KCNQ5: variants seen among roughly 807,000 people sequenced by gnomAD.
The protein encoded by KCNQ5 is potassium voltage-gated channel subfamily KQT member 5.
A neutral mutation model predicts 98.2 loss-of-function variants in KCNQ5; 30 were observed. The observed-to-expected ratio is 0.31, with a 90% confidence interval of 0.23 to 0.41. The LOEUF (loss-of-function observed/expected upper bound fraction) is 0.41, where lower values mean the gene tolerates loss of function less well. Among genes scored for constraint, KCNQ5 ranks in the 10% least tolerant of loss-of-function variants. The pLI is 1.00. For missense variants in KCNQ5, 835 were observed against 1,182.5 expected (o/e 0.71, Z 4.31); for synonymous variants, 458 against 449.4 (o/e 1.02, Z -0.24).
intron 9 of KCNQ5, among the ~76,000 whole-genome samples, chr6:73,124,936 G>GATAT (rs1180218889): frequency 3.9e-3 from 293 of 76,078 alleles, no homozygotes; most frequent in Non-Finnish European, 4.3e-3. Flanking sequence ...CTTTTGGAGT[G>GATAT]ATATATATAT....
intron 1 of KCNQ5, among the ~76,000 whole-genome samples, chr6:72,998,333 G>T (rs996425956): frequency 2.0e-5 from 3 of 152,158 alleles, no homozygotes; most frequent in African/African-American, 7.2e-5. Flanking sequence ...GTCAGAAGCA[G>T]GGTTGAATTT....
intron 2 of KCNQ5, among the ~76,000 whole-genome samples, chr6:73,027,236 T>C (rs1770931201): frequency 6.6e-6 from 1 of 152,180 alleles, no homozygotes; most frequent in African/African-American, 2.4e-5. Flanking sequence ...GATAGGGCTG[T>C]GGAAATGAAT....
chr6:72,759,590 A>G (rs1772149133), intron 1 of KCNQ5, among the ~76,000 whole-genome samples: 1 of 152,044 alleles, frequency 6.6e-6, no homozygotes, highest in African/African-American at 2.4e-5. Context: ...GTAGATGACC[A>G]TGCCTCCCAA....
intron 3 of KCNQ5, among the ~76,000 whole-genome samples, chr6:73,044,840 C>T (rs1037022154): frequency 1.1e-4 from 17 of 152,188 alleles, no homozygotes; most frequent in African/African-American, 4.1e-4. Context: ...CCCAAAACTT[C>T]ATGTATTTGT....
intron 1 of KCNQ5, among the ~76,000 whole-genome samples, chr6:72,923,303 C>T (rs1162502408): frequency 2.6e-5 from 4 of 152,116 alleles, no homozygotes; most frequent in Admixed American, 2.0e-4. Flanking sequence ...TTTTGAGGAG[C>T]CACAGAATAT....
At chr6:72,726,360 A>G (rs186784359) in intron 1 of KCNQ5, among the ~76,000 whole-genome samples, 1 of 151,910 alleles carries the variant, frequency 6.6e-6, no homozygotes, top group Non-Finnish European at 1.5e-5. Flanking sequence ...ACAGGTGCCC[A>G]CCACCATGCC....
intron 1 of KCNQ5, among the ~76,000 whole-genome samples, chr6:72,781,513 T>C (rs4706514): frequency 0.6 from 90,911 of 151,980 alleles, 27,226 homozygotes; most frequent in Admixed American, 0.65. Context: ...AAATCACTCA[T>C]AGTTGATGAT....
In KCNQ5 at chr6:73,169,788, G is replaced by C. The variant is rs761873822; in HGVS notation, c.1511G>C (p.Gly504Ala). Residue 504 changes from glycine (G) to alanine (A), a missense_variant, in exon 11 of 14, where the codon GGA becomes GCA. This residue lies in a region of KCNQ5 where 146 missense variants were observed against 256.7 expected (regional missense o/e 0.57). Transcript: ENST00000370398. Reference protein sequence around the residue: ...LGTDDVYDEKGCQCDVSVEDL... With the variant: ...LGTDDVYDEKACQCDVSVEDL... The stretch of plus-strand genomic sequence containing the variant: ...ACTGATGATGTATATGATGAAAAAG[G>C]ATGCCAGTGTGATGTATCAGTGGAA... 4 of 1,614,028 alleles carry C rather than the reference G, an allele frequency of 2.5e-6. No homozygotes were observed. The Admixed American group carries it at 6.7e-5, about 27-fold the overall frequency.
At chr6:72,829,792 A>C (rs1160641842) in intron 1 of KCNQ5, among the ~76,000 whole-genome samples, 1 of 152,150 alleles carries the variant, frequency 6.6e-6, no homozygotes, top group Non-Finnish European at 1.5e-5. Context: ...GTAAATTTTC[A>C]AGTTTACATA....
chr6:73,102,258 G>T (rs1042616543), intron 5 of KCNQ5, among the ~76,000 whole-genome samples: 2 of 152,084 alleles, frequency 1.3e-5, no homozygotes, highest in African/African-American at 4.8e-5. Flanking sequence ...ATCAAAATGG[G>T]ATTAAAAAGT....
At chr6:73,108,244 G>T (rs536038354) in intron 6 of KCNQ5, among the ~76,000 whole-genome samples, 1 of 152,192 alleles carries the variant, frequency 6.6e-6, no homozygotes, top group Non-Finnish European at 1.5e-5. Context: ...CACAGAAGAA[G>T]CCCCAGCTCC....
chr6:72,737,608 A>C (rs527892146), intron 1 of KCNQ5, among the ~76,000 whole-genome samples: 1 of 152,282 alleles, frequency 6.6e-6, no homozygotes, highest in East Asian at 1.9e-4. Context: ...GCTTGATATC[A>C]ATTTAGTGGA....
chr6:72,909,907 C>A (rs928619112), intron 1 of KCNQ5, among the ~76,000 whole-genome samples: 4 of 152,164 alleles, frequency 2.6e-5, no homozygotes, highest in Non-Finnish European at 2.9e-5. Context: ...TAGACATCAA[C>A]CCACTTTTAC....
Position 73,169,958 on chromosome 6 carries a change from C to A in KCNQ5, c.1577+104C>A, listed in dbSNP as rs111410182. On this transcript the variant is annotated intron_variant, in intron 11 of 13. Coordinates refer to ENST00000370398, the MANE Select transcript of KCNQ5 (RefSeq NM_019842.4). ...CTGCAGGTAAATATCCTGGAATAAC[C>A]ACTTTCCCTTTCCTATTCATCCATA... The A allele has an allele frequency of 1.2e-3, 923 of 750,130 alleles. 3 individuals are homozygous for A. The African/African-American group carries it at 0.013, about 11-fold the overall frequency. The allele number at this position is 750,130 out of a possible 1,614,324, so 46.5% of individuals were successfully genotyped here.
chr6:72,682,803 A>G (rs551419276), intron 1 of KCNQ5, among the ~76,000 whole-genome samples: 20 of 152,316 alleles, frequency 1.3e-4, no homozygotes, highest in Admixed American at 1.3e-4. Flanking sequence ...TAATTGGTCA[A>G]GGCCAGGGTG....
At chr6:72,867,586 A>C (rs1307931726) in intron 1 of KCNQ5, among the ~76,000 whole-genome samples, 2 of 152,196 alleles carry the variant, frequency 1.3e-5, no homozygotes, top group Non-Finnish European at 2.9e-5. Flanking sequence ...AAGGAACTCA[A>C]GATGTTTAAC....
chr6:72,797,883 T>C (rs889118192), intron 1 of KCNQ5, among the ~76,000 whole-genome samples: 3 of 152,200 alleles, frequency 2.0e-5, no homozygotes, highest in Non-Finnish European at 4.4e-5. Context: ...CCTTCTATAT[T>C]CATTATTAGT....
chr6:73,095,917 G>A (rs1265952949), intron 5 of KCNQ5, among the ~76,000 whole-genome samples: 1 of 152,196 alleles, frequency 6.6e-6, no homozygotes, highest in Non-Finnish European at 1.5e-5. Flanking sequence ...GGACACACTA[G>A]TGGGCAATTT....
chr6:73,083,843 G>C (rs1026753561), intron 5 of KCNQ5, among the ~76,000 whole-genome samples: 4 of 152,148 alleles, frequency 2.6e-5, no homozygotes, highest in African/African-American at 9.7e-5. Flanking sequence ...ACTGCTTTAT[G>C]GTTCTACTAA....
Sources: allele counts gnomAD v4.1 joint callset (sites outside exome capture counted in the v4.1 genomes callset), GRCh38; gene constraint gnomAD v4.1.1; regional missense constraint gnomAD v4.1.1; transcripts MANE v1.5; gene names NCBI Gene and HGNC (gene_info 2026-07-23, HGNC 2026-07-21).